Variants in TRAPPC3L observed in about 807,000 individuals in gnomAD.
TRAPPC3L encodes the protein trafficking protein particle complex subunit 3-like protein.
In TRAPPC3L, 23 loss-of-function variants were observed where a neutral mutation model predicts 23.7. The ratio of observed to expected loss-of-function variants is 0.97; its 90% CI spans 0.70 to 1.37. The LOEUF is 1.37. TRAPPC3L is among the 40% of genes most tolerant of loss of function. The pLI is 0.00. For missense variants in TRAPPC3L, 212 were observed against 216.8 expected, an observed-to-expected ratio of 0.98 and a Z score of 0.14; for synonymous variants, 81 against 77.9, an observed-to-expected ratio of 1.04 and a Z score of -0.21.
At chr6:116,512,429 TG>T in intron 3 of TRAPPC3L, 1 of 592,594 alleles carries the variant, frequency 1.7e-6, no homozygotes, top group East Asian at 2.8e-5. Context: ...AGTTGCTGAC[TG>T]GATTATCTCT....
Position 116,545,594 on chromosome 6 carries a change from T to C in TRAPPC3L, c.-80A>G. 7.6e-7 allele frequency: 1 copy of C among 1,322,382 alleles called. No homozygotes were observed. The highest frequency in any genetic ancestry group is 2.3e-5 in the Admixed American group (1 of 43,126). 81.9% of individuals were successfully genotyped at this position (1,322,382 alleles called of 1,614,324 possible). Reference sequence around the variant, plus strand: ...TTAGAGGTGTATCAGTCCATGTCTTTTTGTTTTGTTTTTGTAAGCTCTTCC... The same window carrying C: ...TTAGAGGTGTATCAGTCCATGTCTTCTTGTTTTGTTTTTGTAAGCTCTTCC... On this transcript the variant is annotated 5_prime_UTR_variant, in exon 1 of 5. Transcript: ENST00000368602.
chr6:116,502,106 C>A (rs1771925767), intron 3 of TRAPPC3L, among the ~76,000 whole-genome samples: 1 of 152,112 alleles, frequency 6.6e-6, no homozygotes, highest in South Asian at 2.1e-4. Flanking sequence ...TAATCCATTG[C>A]AAGGAAGGTA....
chr6:116,512,291 C>T, intron 3 of TRAPPC3L: 1 of 1,519,784 alleles, frequency 6.6e-7, no homozygotes, highest in Non-Finnish European at 8.8e-7. Context: ...AGTATTCTCT[C>T]TGTGCTCCTT....
intron 3 of TRAPPC3L, among the ~76,000 whole-genome samples, chr6:116,538,561 A>G (rs1773234915): frequency 6.6e-6 from 1 of 152,232 alleles, no homozygotes; most frequent in African/African-American, 2.4e-5. Flanking sequence ...ACATATCTTT[A>G]GAATGAAGTC....
At position 116,500,504 on chromosome 6, in the gene TRAPPC3L, T is replaced by C. The variant is rs1184760100; in HGVS notation, c.403A>G (p.Ile135Val). The change falls in exon 4 of 5, where the codon ATT becomes GTT. Residue 135 changes from isoleucine (I) to valine (V), a missense_variant. Ile to Val is a conservative substitution (Grantham distance 29). Coordinates refer to ENST00000368602, the MANE Select transcript of TRAPPC3L (RefSeq NM_001139444.3). ...ACCATTTCCAAGGCACCTCTGATAA[T>C]CCCACAGAGCAAGTTGCAGTAGCAC... The part of the protein sequence containing the change: ...SLCYCNLLCG[I>V]IRGALEMVHL... The C allele has an allele frequency of 6.4e-7, 1 of 1,550,700 alleles. No homozygotes were observed. Among genetic ancestry groups the C allele is most frequent in the South Asian group, 1.2e-5 (1 of 83,950 alleles).
intron 3 of TRAPPC3L, among the ~76,000 whole-genome samples, chr6:116,534,108 GT>G (rs34484876): frequency 0.35 from 52,517 of 150,030 alleles, 9,721 homozygotes; most frequent in Middle Eastern, 0.53. Flanking sequence ...TCTGTAGTGC[GT>G]TTTTTTTTTC....
At chr6:116,511,709 C>T in intron 3 of TRAPPC3L, 1 of 1,613,514 alleles carries the variant, frequency 6.2e-7, no homozygotes, top group Non-Finnish European at 8.5e-7. Flanking sequence ...GGATGCTTTT[C>T]AGGGCATTTT....
chr6:116,511,914 C>A (rs748229444), intron 3 of TRAPPC3L: 22 of 1,613,846 alleles, frequency 1.4e-5, no homozygotes, highest in Non-Finnish European at 1.7e-5. Flanking sequence ...AACAATAGGT[C>A]GTGGAGACTC....
At chr6:116,511,806 T>A in intron 3 of TRAPPC3L, 1 of 1,614,106 alleles carries the variant, frequency 6.2e-7, no homozygotes, top group Non-Finnish European at 8.5e-7. Context: ...TTTTCTGTTG[T>A]GGCTTTTAAG....
intron 4 of TRAPPC3L, among the ~76,000 whole-genome samples, chr6:116,497,799 A>G (rs1771855466): frequency 6.6e-6 from 1 of 152,184 alleles, no homozygotes; most frequent in Non-Finnish European, 1.5e-5. Flanking sequence ...ATTGGGAAAA[A>G]TAAGATAAAT....
intron 3 of TRAPPC3L, among the ~76,000 whole-genome samples, chr6:116,527,277 G>T (rs185871505): frequency 1.3e-5 from 2 of 152,024 alleles, no homozygotes; most frequent in African/African-American, 4.8e-5. Flanking sequence ...CAGCACTTTG[G>T]GGGGCCGAGA....
intron 3 of TRAPPC3L, among the ~76,000 whole-genome samples, chr6:116,528,488 G>C (rs973185263): frequency 2.0e-5 from 3 of 152,172 alleles, no homozygotes; most frequent in African/African-American, 7.2e-5. Flanking sequence ...GTTTAAACAA[G>C]TTTCATGTTT....
intron 3 of TRAPPC3L, among the ~76,000 whole-genome samples, chr6:116,514,212 G>A (rs1772178647): frequency 1.3e-5 from 2 of 152,126 alleles, no homozygotes; most frequent in Non-Finnish European, 2.9e-5. Flanking sequence ...AGGGGGAAGG[G>A]GACCTGAAGC....
intron 3 of TRAPPC3L, chr6:116,512,307 C>T: frequency 2.0e-6 from 3 of 1,467,472 alleles, no homozygotes; most frequent in Non-Finnish European, 2.7e-6. Context: ...TCCTTTCAGC[C>T]AGGGCTGTCT....
intron 4 of TRAPPC3L, 41 bp downstream of exon 4, chr6:116,500,440 C>T: frequency 6.7e-7 from 1 of 1,498,504 alleles, no homozygotes; most frequent in Non-Finnish European, 9.0e-7. Flanking sequence ...CTTAGAAGGA[C>T]TAAGAGATTC....
At chr6:116,511,837 T>G (rs1301722018) in intron 3 of TRAPPC3L, 1 of 1,613,992 alleles carries the variant, frequency 6.2e-7, no homozygotes. Flanking sequence ...GCACTGAGAA[T>G]ATGACCTATG....
chr6:116,524,775 TG>T (rs1164199553), intron 3 of TRAPPC3L: 2 of 152,188 alleles, frequency 1.3e-5, no homozygotes, highest in African/African-American at 4.8e-5. Flanking sequence ...ATAAAAAAGT[TG>T]GAAAATTTTC....
intron 3 of TRAPPC3L, chr6:116,521,672 C>T (rs1018526243): frequency 6.6e-6 from 1 of 152,140 alleles, no homozygotes; most frequent in Admixed American, 6.6e-5. Flanking sequence ...TTTGGAAACA[C>T]CCCTACATAC....
intron 3 of TRAPPC3L, chr6:116,522,151 A>C (rs1296860854): frequency 6.6e-6 from 1 of 152,322 alleles, no homozygotes; most frequent in African/African-American, 2.4e-5. Flanking sequence ...GACATGGAGA[A>C]GAACCAGGAA....
Sources: allele counts gnomAD v4.1 joint callset (sites outside exome capture counted in the v4.1 genomes callset), GRCh38; gene constraint gnomAD v4.1.1; transcripts MANE v1.5; gene names NCBI Gene and HGNC (gene_info 2026-07-23, HGNC 2026-07-21).